Variants in GRIA4 observed in about 807,000 individuals in gnomAD.
GRIA4 encodes glutamate receptor 4.
A neutral mutation model predicts 104.0 loss-of-function variants in GRIA4; 34 were observed. That is an observed-to-expected ratio of 0.33 (90% CI 0.25 to 0.44). The LOEUF (loss-of-function observed/expected upper bound fraction) is 0.44, where lower values mean the gene tolerates loss of function less well. Among genes scored for constraint, GRIA4 ranks in the 20% least tolerant of loss-of-function variants. GRIA4 has a pLI of 1.00. For synonymous variants in GRIA4, 386 were observed against 381.9 expected, an observed-to-expected ratio of 1.01 and a Z score of -0.13; for missense variants, 750 against 1,096.5, an observed-to-expected ratio of 0.68 and a Z score of 4.46.
At chr11:105,639,802 T>C (rs1332144206) in intron 3 of GRIA4, among the ~76,000 whole-genome samples, 7 of 152,000 alleles carry the variant, frequency 4.6e-5, no homozygotes, top group Non-Finnish European at 1.0e-4. Flanking sequence ...GTTCTTCCAT[T>C]GTTCCATAGT....
At chr11:105,821,768 C>T (rs1010876587) in intron 4 of GRIA4, among the ~76,000 whole-genome samples, 1 of 152,052 alleles carries the variant, frequency 6.6e-6, no homozygotes, top group African/African-American at 2.4e-5. Context: ...CTGTAAATTT[C>T]ATTTCTTGTT....
chr11:105,953,837 G>A (rs931361377), intron 14 of GRIA4, among the ~76,000 whole-genome samples: 1 of 151,942 alleles, frequency 6.6e-6, no homozygotes, highest in African/African-American at 2.4e-5. Flanking sequence ...CTTTTTCTTA[G>A]GGTCTCTAAT....
chr11:105,711,482 G>C (rs1024499117), intron 3 of GRIA4, among the ~76,000 whole-genome samples: 1 of 151,992 alleles, frequency 6.6e-6, no homozygotes, highest in African/African-American at 2.4e-5. Context: ...AGAACATACT[G>C]TGTCTGAGTT....
chr11:105,661,457 A>G (rs1952007117), intron 3 of GRIA4, among the ~76,000 whole-genome samples: 1 of 151,632 alleles, frequency 6.6e-6, no homozygotes, highest in Non-Finnish European at 1.5e-5. Context: ...TTTGATTCAG[A>G]GTTTTGGGGA....
chr11:105,877,187 G>A (rs1369502425), intron 5 of GRIA4, among the ~76,000 whole-genome samples: 3 of 152,184 alleles, frequency 2.0e-5, no homozygotes, highest in Non-Finnish European at 4.4e-5. Flanking sequence ...GGCTGGATAT[G>A]AAATTCTGGG....
chr11:105,803,330 G>C (rs1239333408), intron 4 of GRIA4, among the ~76,000 whole-genome samples: 1 of 151,832 alleles, frequency 6.6e-6, no homozygotes, highest in African/African-American at 2.4e-5. Context: ...TGAGAATTTA[G>C]GTTATTTGCC....
intron 4 of GRIA4, among the ~76,000 whole-genome samples, chr11:105,760,378 C>A (rs1940556210): frequency 6.6e-6 from 1 of 152,126 alleles, no homozygotes; most frequent in Admixed American, 6.6e-5. Flanking sequence ...CATCAACCAA[C>A]TTTTCTCCTT....
At chr11:105,737,728 CAGGATGGAAGA>C in intron 3 of GRIA4, among the ~76,000 whole-genome samples, 1 of 152,080 alleles carries the variant, frequency 6.6e-6, no homozygotes, top group East Asian at 1.9e-4. Context: ...TTCAGCAGAG[CAGGATGGAAGA>C]AGTACTTAGC....
chr11:105,858,959 T>A (rs1283900999), intron 4 of GRIA4, among the ~76,000 whole-genome samples: 1 of 152,200 alleles, frequency 6.6e-6, no homozygotes, highest in African/African-American at 2.4e-5. Context: ...GTTAACTACA[T>A]GATATTCATC....
At chr11:105,658,781 T>C (rs926441798) in intron 3 of GRIA4, among the ~76,000 whole-genome samples, 1 of 151,906 alleles carries the variant, frequency 6.6e-6, no homozygotes, top group African/African-American at 2.4e-5. Flanking sequence ...CTAAGAGATG[T>C]TATTTGTGAG....
At chr11:105,689,899 G>A (rs1953024030) in intron 3 of GRIA4, among the ~76,000 whole-genome samples, 2 of 152,168 alleles carry the variant, frequency 1.3e-5, no homozygotes, top group Admixed American at 1.3e-4. Context: ...ATACTGGGAA[G>A]CACGATTATT....
intron 4 of GRIA4, among the ~76,000 whole-genome samples, chr11:105,834,712 CT>C (rs5794429): frequency 0.16 from 21,539 of 131,496 alleles, 1,464 homozygotes; most frequent in African/African-American, 0.23. Flanking sequence ...TACAAAAAGA[CT>C]TTTTTTTTTT....
At chr11:105,739,621 T>A (rs1377076956) in intron 3 of GRIA4, among the ~76,000 whole-genome samples, 1 of 152,160 alleles carries the variant, frequency 6.6e-6, no homozygotes, top group African/African-American at 2.4e-5. Context: ...TAATAACCTA[T>A]GATAATGCCT....
At chr11:105,696,857 T>G (rs1953297200) in intron 3 of GRIA4, among the ~76,000 whole-genome samples, 1 of 152,042 alleles carries the variant, frequency 6.6e-6, no homozygotes. Context: ...CTCTGCCTCC[T>G]GGGTTCAAGC....
chr11:105,769,941 A>G (rs1941133487), intron 4 of GRIA4, among the ~76,000 whole-genome samples: 1 of 152,104 alleles, frequency 6.6e-6, no homozygotes, highest in Admixed American at 6.6e-5. Context: ...AGTAACAGAA[A>G]CAAGATATAG....
intron 10 of GRIA4, among the ~76,000 whole-genome samples, chr11:105,911,419 A>C (rs1018496283): frequency 2.0e-5 from 3 of 152,004 alleles, no homozygotes; most frequent in Non-Finnish European, 2.9e-5. Context: ...ATATATACTC[A>C]GCTCACGTCT....
chr11:105,809,135 G>A (rs1943069575), intron 4 of GRIA4, among the ~76,000 whole-genome samples: 1 of 151,932 alleles, frequency 6.6e-6, no homozygotes, highest in African/African-American at 2.4e-5. Context: ...TACTGTCTTT[G>A]CAATTTTATG....
chr11:105,675,038 A>G lies in GRIA4; in HGVS notation c.247+62604A>G, dbSNP rs965655713. Among the ~76,000 whole-genome samples the G allele has an allele frequency of 4.6e-5, 7 of 151,856 alleles. No individual in the cohort carries two copies. The East Asian group carries it at 1.4e-3, about 29-fold the overall frequency. On this transcript the variant is annotated intron_variant, in intron 3 of 16. Coordinates refer to ENST00000282499, the MANE Select transcript of GRIA4 (RefSeq NM_000829.4). ...TAAGTACTAAGAGAGCTCCTTGGGG[A>G]AAAAGTTCTTATAGTAGCTGACAGG... is the stretch of plus-strand genomic sequence containing the variant.
intron 4 of GRIA4, among the ~76,000 whole-genome samples, chr11:105,758,057 A>G (rs1036805699): frequency 1.3e-5 from 2 of 152,142 alleles, no homozygotes; most frequent in Non-Finnish European, 1.5e-5. Context: ...TAACCTGGAC[A>G]TCATAGCAAG....
Sources: allele counts gnomAD v4.1 joint callset (sites outside exome capture counted in the v4.1 genomes callset), GRCh38; gene constraint gnomAD v4.1.1; transcripts MANE v1.5; gene names NCBI Gene and HGNC (gene_info 2026-07-23, HGNC 2026-07-21).